The following GSE1 variants were observed in gnomAD, a reference collection of about 807,000 sequenced individuals.
GSE1 encodes Gse1 coiled-coil protein.
In GSE1, 32 loss-of-function variants were observed where a neutral mutation model predicts 112.6. That is an observed-to-expected ratio of 0.28 (90% CI 0.21 to 0.38). GSE1 has a LOEUF of 0.38. GSE1 is among the 10% of genes least tolerant of loss of function. The pLI is 1.00. For missense variants in GSE1, 2,348 were observed against 1,699.2 expected (o/e 1.38, Z -6.71); for synonymous variants, 1,115 against 735.6 (o/e 1.52, Z -8.35).
chr16:85,328,786 C>T (rs986753666), intron 1 of GSE1, among the ~76,000 whole-genome samples: 1 of 151,480 alleles, frequency 6.6e-6, no homozygotes, highest in Non-Finnish European at 1.5e-5. Context: ...CAAGGCCTTG[C>T]GGCTGGGCGT....
At chr16:85,254,067 G>A (rs1906805217) in intron 1 of GSE1, among the ~76,000 whole-genome samples, 1 of 152,174 alleles carries the variant, frequency 6.6e-6, no homozygotes. Flanking sequence ...GTGGGGCATA[G>A]CCTCAGCACC....
upstream of GSE1, among the ~76,000 whole-genome samples, chr16:85,607,315 A>C (rs2047748107): frequency 1.3e-5 from 2 of 152,200 alleles, no homozygotes; most frequent in Admixed American, 1.3e-4. Context: ...ATTTAGAAAA[A>C]TAAAAGCCAG....
chr16:85,260,270 T>C (rs897336263), intron 1 of GSE1, among the ~76,000 whole-genome samples: 2 of 152,154 alleles, frequency 1.3e-5, no homozygotes, highest in East Asian at 3.8e-4. Flanking sequence ...ACCTTGACTC[T>C]TGTCAGGTGA....
intron 2 of GSE1, among the ~76,000 whole-genome samples, chr16:85,366,477 A>G (rs540214885): frequency 2.7e-4 from 41 of 152,354 alleles, no homozygotes; most frequent in African/African-American, 9.9e-4. Flanking sequence ...TAATGCCGGG[A>G]GTGCAGAGCT....
At chr16:85,658,205 G>A (rs555091872) in intron 8 of GSE1, among the ~76,000 whole-genome samples, 1 of 152,222 alleles carries the variant, frequency 6.6e-6, no homozygotes, top group South Asian at 2.1e-4. Context: ...CCTGCCCTGG[G>A]ATTCCTGCCT....
chr16:85,175,147 G>A (rs576215507), intron 1 of GSE1, among the ~76,000 whole-genome samples: 2 of 152,352 alleles, frequency 1.3e-5, no homozygotes, highest in African/African-American at 4.8e-5. Flanking sequence ...AAGAAAGAAA[G>A]AAGAGGAGGA....
upstream of GSE1, among the ~76,000 whole-genome samples, chr16:85,612,068 C>A (rs1325210555): frequency 6.6e-6 from 1 of 151,994 alleles, no homozygotes; most frequent in African/African-American, 2.4e-5. Flanking sequence ...CGCGCTAGAT[C>A]AGAGGGGTGT....
intron 11 of GSE1, chr16:85,664,564 C>T (rs1292695172): frequency 6.4e-6 from 1 of 155,860 alleles, no homozygotes. Context: ...CAGGGATCTG[C>T]TGCGTGGAAC....
At chr16:85,553,801 C>T (rs2045058343), upstream of GSE1, among the ~76,000 whole-genome samples, 3 of 152,226 alleles carry the variant, frequency 2.0e-5, no homozygotes, top group Non-Finnish European at 4.4e-5. Flanking sequence ...CCATCTCCTC[C>T]AATTTGCCCT....
At chr16:85,478,885 TTCTTTCTTTCTTTC>T (rs2050559933) in intron 2 of GSE1, among the ~76,000 whole-genome samples, 1 of 66,580 alleles carries the variant, frequency 1.5e-5, no homozygotes, top group East Asian at 3.3e-4. Flanking sequence ...CTTTCTTTCT[TTCTTTCTTTCTTTC>T]TTTCTTTCTT....
chr16:85,472,230 A>G (rs908136692), intron 2 of GSE1, among the ~76,000 whole-genome samples: 20 of 152,330 alleles, frequency 1.3e-4, no homozygotes, highest in African/African-American at 4.8e-4. Flanking sequence ...TGGGTAGCCT[A>G]AAACCACAGG....
chr16:85,512,320 C>T (rs569241734), intron 2 of GSE1, among the ~76,000 whole-genome samples: 2 of 152,264 alleles, frequency 1.3e-5, no homozygotes, highest in East Asian at 3.9e-4. Context: ...GTAGCAGGAC[C>T]AGCCAGGCAC....
chr16:85,587,954 A>C (rs1408892466), intron 1 of GSE1, among the ~76,000 whole-genome samples: 1 of 152,006 alleles, frequency 6.6e-6, no homozygotes, highest in Non-Finnish European at 1.5e-5. Flanking sequence ...GTTAAATGTA[A>C]CGTCACCCCT....
chr16:85,670,163 G>C (rs3812965), intron 14 of GSE1, among the ~76,000 whole-genome samples: 5,325 of 152,242 alleles, frequency 0.035, 322 homozygotes, highest in African/African-American at 0.12. Context: ...GGGGTCTTTG[G>C]ATTTTTGTGT....
chr16:85,388,026 G>C (rs2047728479), intron 2 of GSE1, among the ~76,000 whole-genome samples: 1 of 150,568 alleles, frequency 6.6e-6, no homozygotes. Flanking sequence ...ATGGATGGAT[G>C]GATGGATGAA....
intron 14 of GSE1, among the ~76,000 whole-genome samples, chr16:85,669,808 A>G (rs1174380083): frequency 2.0e-5 from 3 of 151,974 alleles, no homozygotes; most frequent in Non-Finnish European, 4.4e-5. Context: ...TACCTTTCCC[A>G]CCCAACCAGT....
At chr16:85,627,844 G>T (rs922557084) in intron 1 of GSE1, among the ~76,000 whole-genome samples, 1 of 152,220 alleles carries the variant, frequency 6.6e-6, no homozygotes, top group African/African-American at 2.4e-5. Context: ...AGGGGGGTGT[G>T]CTCTCCCAGG....
At chr16:85,292,141 C>T (rs1239973392) in intron 1 of GSE1, among the ~76,000 whole-genome samples, 1 of 149,784 alleles carries the variant, frequency 6.7e-6, no homozygotes, top group African/African-American at 2.5e-5. Context: ...AAAGAATGAA[C>T]CTTTTTTTTT....
intron 1 of GSE1, among the ~76,000 whole-genome samples, chr16:85,322,690 A>G (rs2046136115): frequency 1.4e-5 from 2 of 147,292 alleles, no homozygotes; most frequent in African/African-American, 5.1e-5. Flanking sequence ...ATCTTGGCTC[A>G]CTGCCACCTC....
Sources: gnomAD v4.1 joint callset for allele counts (sites outside exome capture counted in the v4.1 genomes callset) on GRCh38, gnomAD v4.1.1 for gene constraint, MANE v1.5 for transcripts, NCBI Gene and HGNC (gene_info 2026-07-23, HGNC 2026-07-21) for gene names.